Variants in SPAG16 observed in about 807,000 individuals in gnomAD.
SPAG16 encodes the protein sperm-associated antigen 16 protein.
In SPAG16, 86 loss-of-function variants were observed where a neutral mutation model predicts 80.4. The observed-to-expected ratio is 1.07, with a 90% CI of 0.90 to 1.28. The LOEUF is 1.28. SPAG16 is among the 50% of genes most tolerant of loss of function. SPAG16 has a pLI of 0.00. For synonymous variants in SPAG16, 294 were observed against 265.9 expected (o/e 1.11, Z -1.03); for missense variants, 870 against 765.3 (o/e 1.14, Z -1.61).
chr2:213,817,702 G>C (rs2072644552), intron 10 of SPAG16, among the ~76,000 whole-genome samples: 1 of 152,086 alleles, frequency 6.6e-6, no homozygotes, highest in Non-Finnish European at 1.5e-5. Context: ...ATTATTCCAA[G>C]TGAATTAACA....
At chr2:213,591,964 A>G (rs919086507) in intron 10 of SPAG16, among the ~76,000 whole-genome samples, 2 of 152,232 alleles carry the variant, frequency 1.3e-5, no homozygotes, top group Admixed American at 1.3e-4. Flanking sequence ...TCAAAAGTCA[A>G]AGCCTGGTTG....
intron 10 of SPAG16, among the ~76,000 whole-genome samples, chr2:213,608,338 C>T (rs1174400210): frequency 1.3e-5 from 2 of 152,146 alleles, no homozygotes; most frequent in Admixed American, 6.5e-5. Context: ...CCCCACCCCA[C>T]AACAGTCCCC....
At chr2:214,342,525 T>C (rs1234144481) in intron 15 of SPAG16, among the ~76,000 whole-genome samples, 2 of 152,096 alleles carry the variant, frequency 1.3e-5, no homozygotes, top group Non-Finnish European at 2.9e-5. Flanking sequence ...GATCTGTCAC[T>C]GTCTCCCATC....
intron 15 of SPAG16, among the ~76,000 whole-genome samples, chr2:214,214,391 A>G (rs894936023): frequency 2.0e-5 from 3 of 152,106 alleles, no homozygotes; most frequent in African/African-American, 7.2e-5. Context: ...GCTGGTCTCA[A>G]ACTCCTGACT....
chr2:213,731,217 C>T (rs944342086), intron 10 of SPAG16, among the ~76,000 whole-genome samples: 10 of 135,390 alleles, frequency 7.4e-5, no homozygotes, highest in East Asian at 4.8e-4. Context: ...AGTGTAGTGG[C>T]GCGATCTCAG....
chr2:214,200,814 G>A (rs2057988659), intron 15 of SPAG16, among the ~76,000 whole-genome samples: 1 of 152,136 alleles, frequency 6.6e-6, no homozygotes, highest in Non-Finnish European at 1.5e-5. Flanking sequence ...TGGATACACA[G>A]ACAATATTAC....
intron 15 of SPAG16, among the ~76,000 whole-genome samples, chr2:214,168,920 C>G (rs775799409): frequency 4.6e-5 from 7 of 152,104 alleles, no homozygotes; most frequent in Admixed American, 2.0e-4. Flanking sequence ...GTTGTTACTT[C>G]AAATGCAGCT....
rs1432053037 is a variant in SPAG16 at position 214,010,387 on chromosome 2, A to AG, written c.1401-3563dup. Among the ~76,000 whole-genome samples, 9 of 147,144 alleles carry AG rather than the reference A, an allele frequency of 6.1e-5. 1 individual carries two copies. Among genetic ancestry groups the AG allele is most frequent in the Non-Finnish European group, 1.3e-4 (9 of 67,392 alleles). On this transcript the variant is annotated intron_variant, in intron 12 of 15. Coordinates refer to ENST00000331683, the MANE Select transcript of SPAG16 (RefSeq NM_024532.5). ...TAAATGGACTAAATTGAGGAGAAAG[A>AG]GAAAAAAAAGTCACAGGGGAAGAAA...
intron 15 of SPAG16, among the ~76,000 whole-genome samples, chr2:214,320,293 G>T (rs899544197): frequency 4.6e-5 from 7 of 152,076 alleles, no homozygotes; most frequent in African/African-American, 1.7e-4. Flanking sequence ...TAAGCTTTTA[G>T]CTCAGTTACT....
Position 214,400,879 on chromosome 2 carries a change from A to C in SPAG16, c.1721-9261A>C, listed in dbSNP as rs149529502. ...TGTGATATGAACTTCTACCAAGATA[A>C]ATTTAAAATGCATTTGTTTTATACT... On this transcript the variant is annotated intron_variant, in intron 15 of 15. Coordinates refer to ENST00000331683, the MANE Select transcript of SPAG16 (RefSeq NM_024532.5). 5.8e-3 allele frequency among the ~76,000 whole-genome samples: 886 copies of C among 152,090 alleles called. 10 individuals are homozygous for C. Among genetic ancestry groups the C allele is most frequent in the African/African-American group, 0.02 (815 of 41,544 alleles).
intron 15 of SPAG16, among the ~76,000 whole-genome samples, chr2:214,314,129 C>G (rs927977998): frequency 6.6e-6 from 1 of 152,110 alleles, no homozygotes; most frequent in Admixed American, 6.5e-5. Context: ...AACTGAAAAT[C>G]AGCATGCACA....
At chr2:213,681,331 G>C (rs13013701) in intron 10 of SPAG16, among the ~76,000 whole-genome samples, 31,913 of 152,054 alleles carry the variant, frequency 0.21, 4,179 homozygotes, top group East Asian at 0.35. Flanking sequence ...CATCTAATGC[G>C]AATTTATGGT....
chr2:213,771,751 G>C (rs1476304612), intron 10 of SPAG16, among the ~76,000 whole-genome samples: 2 of 152,152 alleles, frequency 1.3e-5, no homozygotes, highest in Non-Finnish European at 2.9e-5. Context: ...TTGAAGATCA[G>C]ATGATCATAG....
At chr2:213,527,607 C>A (rs1014449338) in intron 10 of SPAG16, among the ~76,000 whole-genome samples, 1 of 152,084 alleles carries the variant, frequency 6.6e-6, no homozygotes, top group African/African-American at 2.4e-5. Flanking sequence ...AAATTCTGAT[C>A]AAATATGGCA....
At chr2:213,951,902 G>A (rs1399741251) in intron 12 of SPAG16, among the ~76,000 whole-genome samples, 1 of 152,040 alleles carries the variant, frequency 6.6e-6, no homozygotes, top group African/African-American at 2.4e-5. Context: ...CAACTATATT[G>A]GTACTAAGGA....
chr2:214,014,935 A>G (rs1219882574), intron 13 of SPAG16, among the ~76,000 whole-genome samples: 1 of 152,170 alleles, frequency 6.6e-6, no homozygotes, highest in Non-Finnish European at 1.5e-5. Flanking sequence ...CTCCAGCCAG[A>G]AGCCAGAAAT....
chr2:213,800,801 T>C (rs890157725), intron 10 of SPAG16, among the ~76,000 whole-genome samples: 1 of 152,176 alleles, frequency 6.6e-6, no homozygotes, highest in African/African-American at 2.4e-5. Flanking sequence ...CAATTCTGCT[T>C]GAACTGTTAC....
intron 15 of SPAG16, among the ~76,000 whole-genome samples, chr2:214,247,789 C>G (rs1322527025): frequency 6.6e-6 from 1 of 152,040 alleles, no homozygotes; most frequent in Admixed American, 6.6e-5. Context: ...CCCAGCACTT[C>G]AGGTGGCCAA....
chr2:213,293,355 AATATT>A (rs1298769195), intron 1 of SPAG16, among the ~76,000 whole-genome samples: 2 of 152,216 alleles, frequency 1.3e-5, no homozygotes, highest in African/African-American at 4.8e-5. Context: ...CCCACCTCCT[AATATT>A]CATGCTCTTG....
Sources: gnomAD v4.1 joint callset for allele counts (sites outside exome capture counted in the v4.1 genomes callset) on GRCh38, gnomAD v4.1.1 for gene constraint, MANE v1.5 for transcripts, NCBI Gene and HGNC (gene_info 2026-07-23, HGNC 2026-07-21) for gene names.